Variants in PLAT observed in about 807,000 individuals in gnomAD.
PLAT encodes the protein tissue-type plasminogen activator.
A neutral mutation model predicts 74.9 loss-of-function variants in PLAT; 48 were observed. The observed-to-expected ratio is 0.64, with a 90% confidence interval of 0.51 to 0.82. The LOEUF is 0.82. Among genes scored for constraint, PLAT ranks in the 40% least tolerant of loss-of-function variants. The probability of loss-of-function intolerance (pLI) is 0.00; values close to 1 mark genes in which losing one functional copy is unlikely to be tolerated. For missense variants in PLAT, 673 were observed against 736.2 expected, an observed-to-expected ratio of 0.91 and a Z score of 0.99; for synonymous variants, 307 against 294.4, an observed-to-expected ratio of 1.04 and a Z score of -0.44.
intron 1 of PLAT, chr8:42,206,829 G>A (rs1280936784): frequency 6.6e-6 from 1 of 152,182 alleles, no homozygotes; most frequent in Non-Finnish European, 1.5e-5. Context: ...GTCCTTTAAG[G>A]AGGACTGCAC....
chr8:42,186,203 A>G (rs1042777702), intron 6 of PLAT: 3 of 151,578 alleles, frequency 2.0e-5, no homozygotes, highest in African/African-American at 7.3e-5. Flanking sequence ...TTGCAGGCCT[A>G]AAGATCTTTA....
chr8:42,188,900 C>T, intron 4 of PLAT, 34 bp downstream of exon 4: 1 of 1,586,852 alleles, frequency 6.3e-7, no homozygotes, highest in Non-Finnish European at 8.6e-7. Context: ...GCTGGGATCA[C>T]AGGCATGCAC....
intron 1 of PLAT, among the ~76,000 whole-genome samples, chr8:42,201,059 A>G (rs1026382545): frequency 6.6e-6 from 1 of 152,130 alleles, no homozygotes; most frequent in African/African-American, 2.4e-5. Flanking sequence ...CGAACTCCCA[A>G]CCTCAGGTGA....
chr8:42,189,407 A>G (rs897340280), intron 3 of PLAT, among the ~76,000 whole-genome samples: 3 of 151,474 alleles, frequency 2.0e-5, no homozygotes, highest in African/African-American at 7.3e-5. Context: ...AATCCCAGCT[A>G]CTCAGGAGGC....
At chr8:42,204,499 G>A (rs552709682) in intron 1 of PLAT, among the ~76,000 whole-genome samples, 6 of 151,114 alleles carry the variant, frequency 4.0e-5, no homozygotes, top group South Asian at 4.2e-4. Flanking sequence ...AATACTTTGC[G>A]AGGCCAAGGC....
rs1368396927 is a variant in PLAT at position 42,180,573 on chromosome 8, C to A, written c.1002G>T (p.Arg334Ser). The A allele has an allele frequency of 3.7e-6, 6 of 1,613,922 alleles. No homozygotes were observed. The Admixed American group carries it at 5.0e-5, about 13-fold the overall frequency. Residue 334 changes from arginine to serine, a missense_variant, in exon 10 of 14, where the codon AGG becomes AGT. Coordinates refer to ENST00000220809, the MANE Select transcript of PLAT (RefSeq NM_000930.5). Reference protein sequence around the residue: ...WQAAIFAKHRRSPGERFLCGG... With the variant: ...WQAAIFAKHRSSPGERFLCGG... Reference sequence around the variant, plus strand: ...CGCACAGGAACCGCTCTCCGGGCGACCTCCTGTGCTTGGCAAAGATGGCAG... The same window carrying A: ...CGCACAGGAACCGCTCTCCGGGCGAACTCCTGTGCTTGGCAAAGATGGCAG...
intron 1 of PLAT, among the ~76,000 whole-genome samples, chr8:42,206,301 C>G (rs186377785): frequency 6.6e-6 from 1 of 152,280 alleles, no homozygotes; most frequent in East Asian, 1.9e-4. Flanking sequence ...TGGAGCTATT[C>G]ATATCTCAAT....
intron 11 of PLAT, 25 bp from the exon 12 acceptor site, chr8:42,180,091 G>C (rs373577648): frequency 1.3e-4 from 212 of 1,597,914 alleles, no homozygotes; most frequent in Non-Finnish European, 1.8e-4. Flanking sequence ...GGAGGAGTGA[G>C]CTGGCGTGAG....
chr8:42,187,670 T>C, intron 5 of PLAT, 98 bp from the exon 6 acceptor site: 3 of 1,220,666 alleles, frequency 2.5e-6, no homozygotes, highest in Admixed American at 2.5e-5. Flanking sequence ...CCAGGCCTGA[T>C]GCAGGCTGGC....
intron 8 of PLAT, 22 bp downstream of exon 8, chr8:42,182,697 C>A (rs769507101): frequency 5.1e-6 from 8 of 1,569,798 alleles, no homozygotes; most frequent in Non-Finnish European, 6.1e-6. Flanking sequence ...AGACCTGAAC[C>A]CCCCACCCCT....
At chr8:42,203,969 T>TATATATATATATATATATA (rs1806230335) in intron 1 of PLAT, among the ~76,000 whole-genome samples, 1 of 105,100 alleles carries the variant, frequency 9.5e-6, no homozygotes, top group African/African-American at 5.4e-5. Context: ...TGTCTCTAAA[T>TATATATATATATATATATA]TATATATATA....
intron 3 of PLAT, among the ~76,000 whole-genome samples, chr8:42,191,102 C>T (rs8178735): frequency 0.01 from 1,550 of 152,266 alleles, 28 homozygotes; most frequent in African/African-American, 0.036. Flanking sequence ...CCCCCCCCAG[C>T]CCCCGCTAGG....
At chr8:42,189,626 TCTCA>T (rs1225934655) in intron 3 of PLAT, among the ~76,000 whole-genome samples, 2 of 151,488 alleles carry the variant, frequency 1.3e-5, no homozygotes, top group Non-Finnish European at 2.9e-5. Context: ...TGAAACAAAG[TCTCA>T]CTCTGTCGCC....
rs1376602297 is a variant in PLAT at position 42,174,872 on chromosome 8, A to T, written c.*1121T>A. 6.6e-6 allele frequency among the ~76,000 whole-genome samples: 1 copy of T among 152,068 alleles called. No homozygotes were observed. Among genetic ancestry groups the T allele is most frequent in the Non-Finnish European group, 1.5e-5 (1 of 68,008 alleles). On this transcript the variant is annotated 3_prime_UTR_variant, in exon 14 of 14. Transcript: ENST00000220809. ...TGGCCCTCTACATATTCATACCTCC[A>T]TGGAGAGTGCCTTTTCCACACCTGT...
At chr8:42,177,928 C>A (rs922874475) in intron 13 of PLAT, among the ~76,000 whole-genome samples, 1 of 152,234 alleles carries the variant, frequency 6.6e-6, no homozygotes, top group Non-Finnish European at 1.5e-5. Flanking sequence ...CTACCCCCAG[C>A]CCCTAAAGGA....
At chr8:42,199,944 G>A (rs1198804956) in intron 1 of PLAT, among the ~76,000 whole-genome samples, 4 of 152,254 alleles carry the variant, frequency 2.6e-5, no homozygotes, top group South Asian at 2.1e-4. Flanking sequence ...AATTAAATAC[G>A]CAATGATTTG....
chr8:42,195,330 G>C (rs971245712), intron 1 of PLAT, among the ~76,000 whole-genome samples: 4 of 152,164 alleles, frequency 2.6e-5, no homozygotes, highest in Admixed American at 2.0e-4. Context: ...GGGAGAGGGC[G>C]AGGGAAACCT....
At chr8:42,188,488 C>T (rs985921475) in intron 4 of PLAT, 7 of 167,130 alleles carry the variant, frequency 4.2e-5, no homozygotes, top group Admixed American at 1.2e-4. Flanking sequence ...CGCCTAAGGC[C>T]GAACAGGCCT....
At position 42,182,273 on chromosome 8, in the gene PLAT, A is replaced by G. The variant is rs78357931; in HGVS notation, c.804-251T>C. 2,108 of 412,140 alleles carry G rather than the reference A, an allele frequency of 5.1e-3. 35 individuals are homozygous for G. The highest frequency in any genetic ancestry group is 0.037 in the African/African-American group (1,820 of 48,880). The allele number at this position is 412,140 out of a possible 1,614,324, so 25.5% of individuals were successfully genotyped here. A position where few individuals can be genotyped will look rare whatever the true frequency, so the allele number is the denominator to read the frequency against. On this transcript the variant is annotated intron_variant, in intron 8 of 13. Transcript: ENST00000220809. Reference sequence around the variant, plus strand: ...GAGTAGAAGGAGACTCAGTCAACCAATGAAAACCACTGAGCTGGGAGGGAG... The same window carrying G: ...GAGTAGAAGGAGACTCAGTCAACCAGTGAAAACCACTGAGCTGGGAGGGAG...
Sources: gnomAD v4.1 joint callset for allele counts (sites outside exome capture counted in the v4.1 genomes callset) on GRCh38, gnomAD v4.1.1 for gene constraint, MANE v1.5 for transcripts, NCBI Gene and HGNC (gene_info 2026-07-23, HGNC 2026-07-21) for gene names.